Variants in PAIP2B observed in about 807,000 individuals in gnomAD.
PAIP2B encodes the protein polyadenylate-binding protein-interacting protein 2B.
Under a neutral mutation model 17.0 loss-of-function variants are expected in PAIP2B, and 13 were observed. That is an observed-to-expected ratio of 0.76 (90% CI 0.50 to 1.22). The LOEUF (loss-of-function observed/expected upper bound fraction) is 1.22, where lower values mean the gene tolerates loss of function less well. Ranked by LOEUF, PAIP2B falls within the 50% of genes most tolerant of loss-of-function variation. The probability of loss-of-function intolerance (pLI) is 0.00; values close to 1 mark genes in which losing one functional copy is unlikely to be tolerated. For missense variants in PAIP2B, 117 were observed against 144.5 expected (o/e 0.81, Z 0.98); for synonymous variants, 43 against 48.7 (o/e 0.88, Z 0.48).
At chr2:71,223,150 C>T (rs566839175) in intron 1 of PAIP2B, among the ~76,000 whole-genome samples, 3 of 152,276 alleles carry the variant, frequency 2.0e-5, no homozygotes, top group East Asian at 1.9e-4. Context: ...CAGAGGCTCA[C>T]GCCTGTAATC....
rs1385117153 is a variant in PAIP2B, at chr2:71,185,116, T to G, written c.*3363A>C. 6.6e-6 allele frequency: 1 copy of G among 152,168 alleles called. No homozygotes were observed. The allele number at this position is 152,168 out of a possible 1,614,324, so 9.4% of individuals were successfully genotyped here. ...ACTTTGGCAGCCTCTTCACACAACT[T>G]TCCTCTCTAACACGTGTTAATTATC... On this transcript the variant is annotated 3_prime_UTR_variant, in exon 4 of 4. Coordinates refer to ENST00000244221, the MANE Select transcript of PAIP2B (RefSeq NM_020459.1).
chr2:71,224,523 C>T (rs954021997), intron 1 of PAIP2B, among the ~76,000 whole-genome samples: 3 of 152,140 alleles, frequency 2.0e-5, no homozygotes, highest in African/African-American at 7.2e-5. Context: ...TTTGAAGAAA[C>T]AGAATTTCAC....
chr2:71,194,468 T>TGTGTGTGG (rs1402435889), intron 2 of PAIP2B, among the ~76,000 whole-genome samples: 2 of 129,874 alleles, frequency 1.5e-5, no homozygotes, highest in Non-Finnish European at 3.4e-5. Context: ...GTTGTGTGTG[T>TGTGTGTGG]GTGTGTGTGT....
chr2:71,193,769 G>C lies in PAIP2B; in HGVS notation c.139-3748C>G, dbSNP rs763078706. Among the ~76,000 whole-genome samples the C allele has an allele frequency of 5.7e-4, 87 of 152,202 alleles. 1 individual carries two copies. Among genetic ancestry groups the C allele is most frequent in the Non-Finnish European group, 1.6e-4 (11 of 67,998 alleles). On this transcript the variant is annotated intron_variant, in intron 2 of 3. Transcript: ENST00000244221. ...CTCTGGAGGCTGAGGCAGGAGAATG[G>C]CGAGAATCCGGGAGGCGGAGCTTGC...
intron 1 of PAIP2B, among the ~76,000 whole-genome samples, chr2:71,214,196 G>C (rs913445936): frequency 2.0e-5 from 3 of 152,098 alleles, no homozygotes; most frequent in African/African-American, 7.2e-5. Flanking sequence ...CTTAAGCTTA[G>C]GTCTTTCTGG....
intron 1 of PAIP2B, among the ~76,000 whole-genome samples, chr2:71,213,529 G>A (rs1379992186): frequency 1.3e-5 from 2 of 152,202 alleles, no homozygotes; most frequent in Non-Finnish European, 2.9e-5. Flanking sequence ...TAGACAGAGT[G>A]AAGAAGAAAA....
At chr2:71,212,243 C>T (rs540095412) in intron 1 of PAIP2B, among the ~76,000 whole-genome samples, 23 of 152,268 alleles carry the variant, frequency 1.5e-4, no homozygotes, top group Admixed American at 2.0e-4. Flanking sequence ...ATACAATCTC[C>T]GAGCCTAAGG....
In PAIP2B at chr2:71,184,116, T is replaced by G. The variant is rs1674470321; in HGVS notation, c.*4363A>C. 6.6e-6 allele frequency: 1 copy of G among 152,228 alleles called. No homozygotes were observed. The highest frequency in any genetic ancestry group is 1.5e-5 in the Non-Finnish European group (1 of 68,040). 9.4% of individuals were successfully genotyped at this position (152,228 alleles called of 1,614,324 possible). ...ACACTAGTACAATGTTTTTAAGATT[T>G]TATCTCATTTTTGTCATATTAGCCT... On this transcript the variant is annotated 3_prime_UTR_variant, in exon 4 of 4. Coordinates refer to ENST00000244221, the MANE Select transcript of PAIP2B (RefSeq NM_020459.1).
In PAIP2B at chr2:71,215,905, G is replaced by A. The variant is rs191842009; in HGVS notation, c.-12+11023C>T. On this transcript the variant is annotated intron_variant, in intron 1 of 3. Coordinates refer to ENST00000244221, the MANE Select transcript of PAIP2B (RefSeq NM_020459.1). ...CCTTTGAAGCTGTCTTCATTATCCA[G>A]CTTCTATGCCAGGTCTTTGATTTTG... 2.2e-4 allele frequency among the ~76,000 whole-genome samples: 33 copies of A among 152,222 alleles called. 1 individual carries two copies. Among genetic ancestry groups the A allele is most frequent in the African/African-American group, 6.3e-4 (26 of 41,548 alleles).
intron 2 of PAIP2B, among the ~76,000 whole-genome samples, 191 bp from the exon 3 acceptor site, chr2:71,190,212 G>T (rs1309783108): frequency 6.6e-6 from 1 of 152,148 alleles, no homozygotes; most frequent in East Asian, 1.9e-4. Context: ...TTGAGGCCAG[G>T]AGGTTTGAGA....
chr2:71,210,783 C>T (rs1675274502), intron 1 of PAIP2B, among the ~76,000 whole-genome samples: 1 of 152,164 alleles, frequency 6.6e-6, no homozygotes, highest in African/African-American at 2.4e-5. Flanking sequence ...ATGTTTAAAA[C>T]TTGTCCTATA....
intron 1 of PAIP2B, among the ~76,000 whole-genome samples, chr2:71,223,924 TC>T (rs1427017511): frequency 6.6e-6 from 1 of 152,204 alleles, no homozygotes; most frequent in African/African-American, 2.4e-5. Flanking sequence ...ATACAGTTCA[TC>T]TTCATTATTT....
chr2:71,219,597 C>G (rs1243813546), intron 1 of PAIP2B, among the ~76,000 whole-genome samples: 1 of 152,190 alleles, frequency 6.6e-6, no homozygotes, highest in Admixed American at 6.5e-5. Flanking sequence ...GCTGCTATTG[C>G]TATGTATTAA....
At chr2:71,199,818 G>C (rs1262453207) in intron 2 of PAIP2B, among the ~76,000 whole-genome samples, 2 of 152,118 alleles carry the variant, frequency 1.3e-5, no homozygotes, top group African/African-American at 4.8e-5. Context: ...TTGTGCCTAG[G>C]GGTTCAAGTC....
At chr2:71,198,049 T>G (rs1461052379) in intron 2 of PAIP2B, among the ~76,000 whole-genome samples, 1 of 152,244 alleles carries the variant, frequency 6.6e-6, no homozygotes, top group Admixed American at 6.5e-5. Flanking sequence ...ATTTGTCCTC[T>G]TTACATAATC....
chr2:71,183,468 T>C lies in PAIP2B; in HGVS notation c.*5011A>G, dbSNP rs1430122759. ...ATTCTGATTAGTAGTTTTTTTGACA[T>C]GCACAGCAGCTTCCCCTATAAGTCC... is the stretch of plus-strand genomic sequence containing the variant. On this transcript the variant is annotated 3_prime_UTR_variant, in exon 4 of 4. Coordinates refer to ENST00000244221, the MANE Select transcript of PAIP2B (RefSeq NM_020459.1). The C allele has an allele frequency of 7.9e-6, 1 of 126,418 alleles. No individual in the cohort carries two copies. Among genetic ancestry groups the C allele is most frequent in the African/African-American group, 3.1e-5 (1 of 32,300 alleles). 7.8% of individuals were successfully genotyped at this position (126,418 alleles called of 1,614,324 possible). A position where few individuals can be genotyped will look rare whatever the true frequency, so the allele number is the denominator to read the frequency against.
intron 2 of PAIP2B, among the ~76,000 whole-genome samples, chr2:71,200,326 T>C (rs1298711287): frequency 6.6e-6 from 1 of 152,190 alleles, no homozygotes; most frequent in Non-Finnish European, 1.5e-5. Flanking sequence ...CAGAGTAATA[T>C]ACAGGTGTTC....
Position 71,188,361 on chromosome 2 carries a change from A to ACT in PAIP2B, c.*116_*117dup. ...AGAGTCACAGTATTGTGAGACCACC[A>ACT]CTCCCCTTCCCGCTGTGCACCCCTC... On this transcript the variant is annotated 3_prime_UTR_variant, in exon 4 of 4. Coordinates refer to ENST00000244221, the MANE Select transcript of PAIP2B (RefSeq NM_020459.1). The ACT allele has an allele frequency of 1.3e-6, 1 of 742,124 alleles. No homozygotes were observed. Among genetic ancestry groups the ACT allele is most frequent in the Non-Finnish European group, 2.3e-6 (1 of 432,438 alleles). The allele number at this position is 742,124 out of a possible 1,614,324, so 46.0% of individuals were successfully genotyped here.
At chr2:71,199,862 A>G (rs968697117) in intron 2 of PAIP2B, among the ~76,000 whole-genome samples, 10 of 152,202 alleles carry the variant, frequency 6.6e-5, no homozygotes, top group Admixed American at 6.5e-4. Flanking sequence ...CCCATTTCTT[A>G]AAAAGTTTTG....
Sources: allele counts gnomAD v4.1 joint callset (sites outside exome capture counted in the v4.1 genomes callset), GRCh38; gene constraint gnomAD v4.1.1; transcripts MANE v1.5; gene names NCBI Gene and HGNC (gene_info 2026-07-23, HGNC 2026-07-21).